The following CAMK1D variants were observed in gnomAD, a reference collection of about 807,000 sequenced individuals.
CAMK1D encodes calcium/calmodulin-dependent protein kinase type 1D.
Under a neutral mutation model 47.7 loss-of-function variants are expected in CAMK1D, and 9 were observed. The ratio of observed to expected loss-of-function variants is 0.19; its 90% CI spans 0.11 to 0.33. The LOEUF is 0.33. CAMK1D is among the 10% of genes least tolerant of loss of function. The probability of loss-of-function intolerance (pLI) is 1.00; values close to 1 mark genes in which losing one functional copy is unlikely to be tolerated. For synonymous variants in CAMK1D, 184 were observed against 184.9 expected (o/e 0.99, Z 0.04); for missense variants, 291 against 488.7 (o/e 0.60, Z 3.81).
rs114093778 is a variant in CAMK1D, at chr10:12,553,376, C to A, written c.224+20C>A. ...GAGAAAGTAAGTGCTGGAGGGCAAC[C>A]CTCCTCCCTTCCCTACCTCCTGGCC... On this transcript the variant is annotated intron_variant, in intron 2 of 10. Transcript: ENST00000619168. 6.3e-7 allele frequency: 1 copy of A among 1,574,802 alleles called. No homozygotes were observed. The highest frequency in any genetic ancestry group is 1.7e-5 in the Admixed American group (1 of 59,958).
intron 3 of CAMK1D, among the ~76,000 whole-genome samples, chr10:12,672,680 A>G (rs1840663170): frequency 6.6e-6 from 1 of 151,508 alleles, no homozygotes; most frequent in African/African-American, 2.4e-5. Flanking sequence ...CAGCTTTTCT[A>G]CCTAGGTATA....
chr10:12,659,907 G>A (rs190416631), intron 2 of CAMK1D, among the ~76,000 whole-genome samples: 15 of 152,164 alleles, frequency 9.9e-5, no homozygotes, highest in Non-Finnish European at 1.6e-4. Context: ...CCTGAAAAGC[G>A]GACCGGAAGC....
chr10:12,365,734 G>T lies in CAMK1D; in HGVS notation c.92+15824G>T, dbSNP rs140149389. On this transcript the variant is annotated intron_variant, in intron 1 of 10. Transcript: ENST00000619168. ...ATTACAGGTGTAAGCCACCACGCCC[G>T]GCCTAAAGATTATAGCTTTAAAAAT... Among the ~76,000 whole-genome samples the T allele has an allele frequency of 9.3e-3, 1,402 of 150,932 alleles. 21 individuals carry two copies. The highest frequency in any genetic ancestry group is 0.032 in the African/African-American group (1,308 of 41,282).
intron 3 of CAMK1D, among the ~76,000 whole-genome samples, chr10:12,716,641 G>A (rs139883976): frequency 6.6e-6 from 1 of 152,042 alleles, no homozygotes; most frequent in African/African-American, 2.4e-5. Flanking sequence ...TCCATCCCCC[G>A]AGATGAAGGC....
chr10:12,539,316 G>A (rs1431072679), intron 1 of CAMK1D, among the ~76,000 whole-genome samples: 1 of 152,108 alleles, frequency 6.6e-6, no homozygotes, highest in African/African-American at 2.4e-5. Flanking sequence ...TAGTTAGCTG[G>A]GAGCTTAACA....
chr10:12,746,363 C>CAAAAAAAAA (rs542434085), intron 3 of CAMK1D, among the ~76,000 whole-genome samples: 1 of 86,830 alleles, frequency 1.2e-5, no homozygotes, highest in Non-Finnish European at 2.2e-5. Flanking sequence ...GACTCCGTCT[C>CAAAAAAAAA]AAAAAAAAAA....
intron 2 of CAMK1D, among the ~76,000 whole-genome samples, chr10:12,663,088 G>A (rs4451612): frequency 6.6e-6 from 1 of 152,174 alleles, no homozygotes; most frequent in Non-Finnish European, 1.5e-5. Context: ...CAGCCTCTGA[G>A]TAGCTGGGAT....
chr10:12,796,098 A>G (rs940581331), intron 6 of CAMK1D, among the ~76,000 whole-genome samples: 1 of 152,164 alleles, frequency 6.6e-6, no homozygotes, highest in African/African-American at 2.4e-5. Flanking sequence ...AAGGATACTC[A>G]TTTTTTAAAT....
intron 1 of CAMK1D, among the ~76,000 whole-genome samples, chr10:12,523,154 G>A (rs1380497666): frequency 7.3e-5 from 11 of 151,708 alleles, no homozygotes; most frequent in South Asian, 2.1e-4. Context: ...ACGGGGTCGC[G>A]GCTGGGCAGA....
At chr10:12,350,502 G>A (rs1837322341) in intron 1 of CAMK1D, among the ~76,000 whole-genome samples, 1 of 152,212 alleles carries the variant, frequency 6.6e-6, no homozygotes, top group South Asian at 2.1e-4. Context: ...CATTTCACGC[G>A]GGCTCGGCCG....
At chr10:12,661,232 G>A (rs1443735732) in intron 2 of CAMK1D, among the ~76,000 whole-genome samples, 2 of 152,182 alleles carry the variant, frequency 1.3e-5, no homozygotes, top group Non-Finnish European at 2.9e-5. Context: ...TATTGTTAAT[G>A]ATGGCATTAA....
chr10:12,437,600 A>C (rs576200998), intron 1 of CAMK1D, among the ~76,000 whole-genome samples: 1 of 152,308 alleles, frequency 6.6e-6, no homozygotes, highest in African/African-American at 2.4e-5. Context: ...AGGCTCTCCT[A>C]CTATCAACAT....
chr10:12,772,277 G>A lies in CAMK1D; in HGVS notation c.565+2478G>A, dbSNP rs79051893. ...AGACGAGACAAGCTGAGTGGGGAGA[G>A]CCTGTTCCAACTATCGGGAATCCCA... On this transcript the variant is annotated intron_variant, in intron 5 of 10. Coordinates refer to ENST00000619168, the MANE Select transcript of CAMK1D (RefSeq NM_153498.4). 2.9e-4 allele frequency among the ~76,000 whole-genome samples: 44 copies of A among 152,236 alleles called. 2 individuals are homozygous for A. In the East Asian group the frequency reaches 7.5e-3, roughly 26 times the overall value.
At chr10:12,424,794 G>A (rs193160227) in intron 1 of CAMK1D, among the ~76,000 whole-genome samples, 21 of 152,260 alleles carry the variant, frequency 1.4e-4, no homozygotes, top group African/African-American at 4.3e-4. Context: ...GGGCAACAGA[G>A]CGAGACCCCA....
chr10:12,579,397 G>C (rs924221581), intron 2 of CAMK1D, among the ~76,000 whole-genome samples: 1 of 152,086 alleles, frequency 6.6e-6, no homozygotes, highest in Non-Finnish European at 1.5e-5. Flanking sequence ...CATCCATCAT[G>C]TATTACTTAA....
At chr10:12,401,556 A>G (rs915450972) in intron 1 of CAMK1D, among the ~76,000 whole-genome samples, 1 of 151,006 alleles carries the variant, frequency 6.6e-6, no homozygotes, top group Non-Finnish European at 1.5e-5. Context: ...CCCTAGGGAG[A>G]AGGATCTGTA....
chr10:12,734,365 T>G (rs376114141), intron 3 of CAMK1D, among the ~76,000 whole-genome samples: 22 of 9,206 alleles, frequency 2.4e-3, no homozygotes, highest in Admixed American at 4.3e-3. Flanking sequence ...TATATATATA[T>G]ATATATATAT....
chr10:12,444,985 G>C (rs1288168337), intron 1 of CAMK1D, among the ~76,000 whole-genome samples: 2 of 152,186 alleles, frequency 1.3e-5, no homozygotes, highest in East Asian at 3.8e-4. Context: ...GCTTTGCAGG[G>C]TCATTTCAAA....
At chr10:12,769,524 T>C (rs960226908) in intron 4 of CAMK1D, 149 bp from the exon 5 acceptor site, 3 of 755,306 alleles carry the variant, frequency 4.0e-6, no homozygotes, top group Non-Finnish European at 6.4e-6. Context: ...ACTGTTTCTA[T>C]TGGCCGCCGC....
Sources: gnomAD v4.1 joint callset for allele counts (sites outside exome capture counted in the v4.1 genomes callset) on GRCh38, gnomAD v4.1.1 for gene constraint, MANE v1.5 for transcripts, NCBI Gene and HGNC (gene_info 2026-07-23, HGNC 2026-07-21) for gene names.